The following MAN1A1 variants were observed in gnomAD, a reference collection of about 807,000 sequenced individuals.
The protein encoded by MAN1A1 is mannosyl-oligosaccharide 1,2-alpha-mannosidase IA.
Under a neutral mutation model 70.8 loss-of-function variants are expected in MAN1A1, and 29 were observed. That is an observed-to-expected ratio of 0.41 (90% CI 0.31 to 0.56). The LOEUF (loss-of-function observed/expected upper bound fraction) is 0.56, where lower values mean the gene tolerates loss of function less well. MAN1A1 is among the 20% of genes least tolerant of loss of function. The pLI, the probability that MAN1A1 is intolerant of heterozygous loss-of-function variation, is 0.29. For synonymous variants in MAN1A1, 349 were observed against 330.1 expected (o/e 1.06, Z -0.62); for missense variants, 747 against 841.3 (o/e 0.89, Z 1.39).
chr6:119,184,348 T>C (rs1773230470), intron 11 of MAN1A1, among the ~76,000 whole-genome samples: 1 of 152,180 alleles, frequency 6.6e-6, no homozygotes, highest in Non-Finnish European at 1.5e-5. Context: ...TTTATAATGA[T>C]TGGAGCTCTA....
chr6:119,265,027 T>C (rs1271474403), intron 5 of MAN1A1, among the ~76,000 whole-genome samples: 1 of 151,986 alleles, frequency 6.6e-6, no homozygotes, highest in Non-Finnish European at 1.5e-5. Context: ...TTATTTTATG[T>C]ACAACTTTCC....
intron 6 of MAN1A1, among the ~76,000 whole-genome samples, chr6:119,219,757 A>G (rs1231980966): frequency 2.0e-5 from 3 of 152,190 alleles, no homozygotes. Flanking sequence ...CAACTTTCTT[A>G]AAGCAATGTA....
intron 2 of MAN1A1, among the ~76,000 whole-genome samples, chr6:119,333,828 A>C (rs989029074): frequency 6.6e-6 from 1 of 152,206 alleles, no homozygotes; most frequent in Non-Finnish European, 1.5e-5. Context: ...TCCCTTCTAA[A>C]TGTCTAAATT....
intron 2 of MAN1A1, among the ~76,000 whole-genome samples, chr6:119,316,175 G>GT (rs5879501): frequency 0.48 from 55,421 of 116,192 alleles, 14,106 homozygotes; most frequent in African/African-American, 0.53. Context: ...ATTTTTGTGG[G>GT]TTTTTTTTTT....
At chr6:119,236,908 T>A (rs1467904639) in intron 6 of MAN1A1, among the ~76,000 whole-genome samples, 1 of 146,368 alleles carries the variant, frequency 6.8e-6, no homozygotes, top group African/African-American at 2.5e-5. Context: ...AAAAAAAAAA[T>A]CAACATTAAC....
chr6:119,236,911 A>G (rs987106451), intron 6 of MAN1A1, among the ~76,000 whole-genome samples: 1 of 152,134 alleles, frequency 6.6e-6, no homozygotes, highest in Non-Finnish European at 1.5e-5. Context: ...AAAAAAATCA[A>G]CATTAACAGG....
chr6:119,215,377 T>C lies in MAN1A1; in HGVS notation c.993-10495A>G, dbSNP rs542920333. 9.2e-5 allele frequency among the ~76,000 whole-genome samples: 14 copies of C among 152,272 alleles called. No homozygotes were observed. In the South Asian group the frequency reaches 2.9e-3, roughly 32 times the overall value. ...ATGGCAAAGGATACAGAAAAGTTTATGTAATAATTAGGCCCAAAACTCTCA... is the reference window on the plus strand; with the variant it reads ...ATGGCAAAGGATACAGAAAAGTTTACGTAATAATTAGGCCCAAAACTCTCA... On this transcript the variant is annotated intron_variant, in intron 6 of 12. Transcript: ENST00000368468.
chr6:119,204,548 G>C (rs1773804665), intron 7 of MAN1A1, among the ~76,000 whole-genome samples: 2 of 152,214 alleles, frequency 1.3e-5, no homozygotes, highest in East Asian at 3.8e-4. Context: ...GGTGGAAGCT[G>C]TGCCCTCACA....
At chr6:119,281,169 G>A (rs1002011662) in intron 5 of MAN1A1, among the ~76,000 whole-genome samples, 1 of 152,244 alleles carries the variant, frequency 6.6e-6, no homozygotes, top group African/African-American at 2.4e-5. Context: ...GTGTGTTAGT[G>A]AAGATTCATA....
At chr6:119,197,624 G>A (rs76879877) in intron 8 of MAN1A1, among the ~76,000 whole-genome samples, 6,654 of 152,242 alleles carry the variant, frequency 0.044, 199 homozygotes, top group East Asian at 0.082. Flanking sequence ...AATGGCAATT[G>A]AGCTGGGTCT....
chr6:119,295,798 T>C (rs1582778582), intron 4 of MAN1A1, among the ~76,000 whole-genome samples: 1 of 152,156 alleles, frequency 6.6e-6, no homozygotes, highest in Non-Finnish European at 1.5e-5. Context: ...ACTATTATCA[T>C]ACATGAGAAT....
At chr6:119,275,725 A>T (rs926803429) in intron 5 of MAN1A1, among the ~76,000 whole-genome samples, 10 of 152,198 alleles carry the variant, frequency 6.6e-5, no homozygotes, top group African/African-American at 2.4e-4. Flanking sequence ...TACAGGCGTG[A>T]GCCACTGTGC....
rs371245673 is a variant in MAN1A1 at position 119,189,632 on chromosome 6, T to C, written c.1546+32A>G. On this transcript the variant is annotated intron_variant, in intron 10 of 12. Transcript: ENST00000368468. ...TGCATTAAATCAAAGCATGTGGGAA[T>C]AGACCATAAATGAAGAATAACATGT... 545 of 1,597,870 alleles carry C rather than the reference T, an allele frequency of 3.4e-4. 3 individuals carry two copies. The African/African-American group carries it at 4.2e-3, about 12-fold the overall frequency.
chr6:119,315,741 T>C (rs1772833081), intron 2 of MAN1A1, among the ~76,000 whole-genome samples: 1 of 152,240 alleles, frequency 6.6e-6, no homozygotes, highest in South Asian at 2.1e-4. Flanking sequence ...CATTCCTTTT[T>C]GGAAGGAAGC....
chr6:119,325,271 C>A (rs1470970329), intron 2 of MAN1A1, among the ~76,000 whole-genome samples: 4 of 145,618 alleles, frequency 2.7e-5, no homozygotes, highest in African/African-American at 1.0e-4. Flanking sequence ...ATTAGGGAGT[C>A]TGGCTCTAGA....
chr6:119,304,246 T>C (rs1772472332), intron 3 of MAN1A1, among the ~76,000 whole-genome samples: 1 of 152,192 alleles, frequency 6.6e-6, no homozygotes, highest in Admixed American at 6.6e-5. Flanking sequence ...CTGAAGACCC[T>C]TGCATTTTGT....
Position 119,189,742 on chromosome 6 carries a change from G to C in MAN1A1, c.1468C>G (p.Pro490Ala), listed in dbSNP as rs758374480. 3.7e-6 allele frequency: 6 copies of C among 1,614,034 alleles called. No homozygotes were observed. Among genetic ancestry groups the C allele is most frequent in the Non-Finnish European group, 5.1e-6 (6 of 1,180,008 alleles). The change falls in exon 10 of 13, where the codon CCC becomes GCC. Residue 490 changes from proline (P) to alanine (A), a missense_variant. Physicochemically the swap from Pro to Ala is conservative, Grantham distance 27. Around this residue, in one of 2 missense-constraint regions of MAN1A1, gnomAD observed 419 missense variants for 548.2 expected, o/e 0.76. Transcript: ENST00000368468. ...AGGTAGTGTTGGGCCATGCCTTCGG[G>C]AGCTGCATCAGCCCCGAGTGCGAAC... ...GMFALGADAA[P>A]EGMAQHYLEL...
At chr6:119,197,881 TA>T (rs1218034445) in intron 8 of MAN1A1, among the ~76,000 whole-genome samples, 1 of 151,960 alleles carries the variant, frequency 6.6e-6, no homozygotes. Context: ...CATGGCCAAA[TA>T]CATAGCATAC....
rs1289466877 is a variant in MAN1A1, at chr6:119,218,866, A to AT, written c.993-13985dup. Among the ~76,000 whole-genome samples the AT allele has an allele frequency of 1.3e-4, 20 of 151,776 alleles. 1 individual carries two copies. The highest frequency in any genetic ancestry group is 1.2e-3 in the Admixed American group (19 of 15,254). ...TTGAACTGGAATAACTGGGTAAATA[A>AT]TTATCTGTTTTTTTTTTAATTAATC... On this transcript the variant is annotated intron_variant, in intron 6 of 12. Transcript: ENST00000368468.
Sources: gnomAD v4.1 joint callset for allele counts (sites outside exome capture counted in the v4.1 genomes callset) on GRCh38, gnomAD v4.1.1 for gene constraint, gnomAD v4.1.1 regional missense constraint, MANE v1.5 for transcripts, NCBI Gene and HGNC (gene_info 2026-07-23, HGNC 2026-07-21) for gene names.